Variants in CSPP1 observed in about 807,000 individuals in gnomAD.
CSPP1 encodes the protein centrosome and spindle pole associated protein 1, also known as centrosome and spindle pole-associated protein 1.
CSPP1 carries 126 observed loss-of-function variants against 164.4 expected under a neutral mutation model. The ratio of observed to expected loss-of-function variants is 0.77; its 90% CI spans 0.66 to 0.89. CSPP1 has a LOEUF of 0.89. Among genes scored for constraint, CSPP1 ranks in the 40% least tolerant of loss-of-function variants. The probability of loss-of-function intolerance (pLI) is 0.00; values close to 1 mark genes in which losing one functional copy is unlikely to be tolerated. For missense variants in CSPP1, 1,395 were observed against 1,449.8 expected, an observed-to-expected ratio of 0.96 and a Z score of 0.61; for synonymous variants, 472 against 476.7, an observed-to-expected ratio of 0.99 and a Z score of 0.13.
In CSPP1 at chr8:67,105,907, C is replaced by A; in HGVS notation, c.1025C>A (p.Ala342Asp). 1 of 1,546,794 alleles carries A rather than the reference C, an allele frequency of 6.5e-7. No individual in the cohort carries two copies. The highest frequency in any genetic ancestry group is 8.9e-7 in the Non-Finnish European group (1 of 1,119,318). The change falls in exon 9 of 31, where the codon GCT becomes GAT. Residue 342 changes from alanine (A) to aspartate (D), a missense_variant and splice_region_variant. By Grantham distance (126) the Ala-to-Asp change is moderately radical (BLOSUM62 -2). Coordinates refer to ENST00000678616, the MANE Select transcript of CSPP1 (RefSeq NM_001382391.1). ...TTTCTCTGTCTTTTTTTCTTTAGTGCTCCAGACAATGAAACATCCAAATCT... is the reference window on the plus strand; with the variant it reads ...TTTCTCTGTCTTTTTTTCTTTAGTGATCCAGACAATGAAACATCCAAATCT... ...IRISSAENKSAPDNETSKSAN... is the reference protein window; with the variant it reads ...IRISSAENKSDPDNETSKSAN...
intron 21 of CSPP1, among the ~76,000 whole-genome samples, chr8:67,161,167 A>C (rs540644325): frequency 6.6e-6 from 1 of 152,308 alleles, no homozygotes; most frequent in East Asian, 1.9e-4. Context: ...TATCAAAACT[A>C]ATGTCTTTGC....
chr8:67,122,257 C>T (rs1348972827), intron 15 of CSPP1, among the ~76,000 whole-genome samples: 1 of 150,526 alleles, frequency 6.6e-6, no homozygotes, highest in Non-Finnish European at 1.5e-5. Flanking sequence ...TTTTAAATTT[C>T]CTCCCTTCTG....
chr8:67,104,811 T>C (rs1256128826), intron 8 of CSPP1, among the ~76,000 whole-genome samples: 2 of 150,538 alleles, frequency 1.3e-5, no homozygotes, highest in Non-Finnish European at 3.0e-5. Context: ...CTAATTTTTT[T>C]GTATTTTTAG....
chr8:67,170,289 A>T, intron 24 of CSPP1, among the ~76,000 whole-genome samples: 1 of 141,988 alleles, frequency 7.0e-6, no homozygotes, highest in African/African-American at 2.9e-5. Flanking sequence ...TACTAAAAAT[A>T]CAAAAAAAAA....
At chr8:67,116,242 T>C in intron 13 of CSPP1, 120 bp downstream of exon 13, 2 of 676,620 alleles carry the variant, frequency 3.0e-6, no homozygotes, top group Non-Finnish European at 5.0e-6. Context: ...GTTAACAGTT[T>C]TGTGAAATAA....
At chr8:67,172,772 A>G (rs1830720578) in intron 25 of CSPP1, 1 of 468,532 alleles carries the variant, frequency 2.1e-6, no homozygotes, top group Non-Finnish European at 3.8e-6. Flanking sequence ...TTTGGAGAGC[A>G]TACAGTGTTA....
At position 67,161,802 on chromosome 8, in the gene CSPP1, AT is replaced by A. The variant is rs754861164; in HGVS notation, c.2539-4del. ...GCAAATATGCTCTTAAATTTTTTAA[AT>A]TTTTCAGCACATGAGACAGCCTTCT... On this transcript the variant is annotated splice_region_variant and splice_polypyrimidine_tract_variant and intron_variant, in intron 21 of 30. Coordinates refer to ENST00000678616, the MANE Select transcript of CSPP1 (RefSeq NM_001382391.1). The A allele has an allele frequency of 1.1e-4, 170 of 1,598,294 alleles. 4 individuals carry two copies. In the South Asian group the frequency reaches 1.8e-3, roughly 17 times the overall value.
chr8:67,095,146 A>T, intron 6 of CSPP1, 147 bp from the exon 7 acceptor site: 1 of 431,182 alleles, frequency 2.3e-6, no homozygotes, highest in Non-Finnish European at 4.0e-6. Context: ...ACATTAATGT[A>T]AAAACGTATA....
chr8:67,113,446 T>G (rs1817292354), intron 10 of CSPP1, among the ~76,000 whole-genome samples: 2 of 152,186 alleles, frequency 1.3e-5, no homozygotes, highest in African/African-American at 4.8e-5. Context: ...TATTTAAATT[T>G]TTACCCTTCT....
chr8:67,074,196 TA>T, intron 1 of CSPP1, 46 bp from the exon 2 acceptor site: 1 of 1,101,866 alleles, frequency 9.1e-7, no homozygotes, highest in Non-Finnish European at 1.4e-6. Flanking sequence ...ATAATTAGGC[TA>T]AAAATACTGT....
intron 3 of CSPP1, chr8:67,083,794 T>A (rs1373955382): frequency 2.0e-5 from 3 of 151,786 alleles, no homozygotes; most frequent in African/African-American, 7.3e-5. Context: ...AGAACATCCA[T>A]TGTGACCCTG....
intron 1 of CSPP1, among the ~76,000 whole-genome samples, chr8:67,069,993 A>G (rs1325011895): frequency 3.3e-5 from 5 of 152,112 alleles, no homozygotes; most frequent in Admixed American, 3.3e-4. Flanking sequence ...AATTCTGTGC[A>G]AAATTCTATA....
chr8:67,133,478 A>C (rs1404434947), intron 16 of CSPP1: 2 of 152,362 alleles, frequency 1.3e-5, no homozygotes, highest in East Asian at 3.9e-4. Context: ...ATTAAGGTGC[A>C]ACATGTCTTA....
At chr8:67,143,369 A>G (rs1300261143) in intron 17 of CSPP1, among the ~76,000 whole-genome samples, 1 of 151,870 alleles carries the variant, frequency 6.6e-6, no homozygotes, top group African/African-American at 2.4e-5. Flanking sequence ...TACTATCACT[A>G]TAGTAATGTA....
At chr8:67,104,470 G>T (rs968278496) in intron 8 of CSPP1, among the ~76,000 whole-genome samples, 7 of 151,874 alleles carry the variant, frequency 4.6e-5, no homozygotes, top group Non-Finnish European at 7.4e-5. Flanking sequence ...GATCTCTGTT[G>T]TCCAGGCTGG....
At chr8:67,189,520 A>T (rs1835608330) in intron 28 of CSPP1, among the ~76,000 whole-genome samples, 2 of 152,242 alleles carry the variant, frequency 1.3e-5, no homozygotes. Flanking sequence ...CTTATTCAAT[A>T]AAAGTTATTC....
At chr8:67,129,782 G>T (rs1488389058) in intron 15 of CSPP1, among the ~76,000 whole-genome samples, 1 of 152,162 alleles carries the variant, frequency 6.6e-6, no homozygotes, top group East Asian at 1.9e-4. Flanking sequence ...TATATAAAAT[G>T]TCCAGGAAGT....
In CSPP1 at chr8:67,137,515, TA is replaced by T; in HGVS notation, c.1890del (p.Lys630AsnfsTer2). 1 of 1,585,788 alleles carries T rather than the reference TA, an allele frequency of 6.3e-7. No individual in the cohort carries two copies. The highest frequency in any genetic ancestry group is 8.6e-7 in the Non-Finnish European group (1 of 1,161,904). ...EREEKEEYEA[K>X]LEAEMRTYNP... ...GTGAAGAAAAAGAAGAATATGAAGCTAAATTAGAAGCTGAAATGAGAACATA... is the reference window on the plus strand; with the variant it reads ...GTGAAGAAAAAGAAGAATATGAAGCTAATTAGAAGCTGAAATGAGAACATA... On this transcript the variant is annotated frameshift_variant, in exon 17 of 31. Transcript: ENST00000678616. LOFTEE classifies it high-confidence loss of function.
rs755934048 is a variant in CSPP1 at position 67,193,640 on chromosome 8, G to C, written c.3469+38G>C. The C allele has an allele frequency of 3.2e-6, 5 of 1,569,610 alleles. No homozygotes were observed. In the South Asian group the frequency reaches 4.5e-5, roughly 14 times the overall value. On this transcript the variant is annotated intron_variant, in intron 30 of 30. Transcript: ENST00000678616. ...GTGTAATGGCCTATAGTAGAATCCT[G>C]TATGAACTTTTAAACTTTCTTACTC...
Sources: allele counts gnomAD v4.1 joint callset (sites outside exome capture counted in the v4.1 genomes callset), GRCh38; gene constraint gnomAD v4.1.1; transcripts MANE v1.5; gene names NCBI Gene and HGNC (gene_info 2026-07-23, HGNC 2026-07-21).